The following ADCY5 variants were observed in gnomAD, a reference collection of about 807,000 sequenced individuals.
ADCY5 encodes the protein adenylate cyclase 5, also known as adenylate cyclase type 5.
Under a neutral mutation model 119.7 loss-of-function variants are expected in ADCY5, and 30 were observed. That is an observed-to-expected ratio of 0.25 (90% CI 0.19 to 0.34). The LOEUF is 0.34. Ranked by LOEUF, ADCY5 falls within the 10% of genes least tolerant of loss-of-function variation. The pLI is 1.00. For missense variants in ADCY5, 1,324 were observed against 1,775.2 expected (o/e 0.75, Z 4.57); for synonymous variants, 753 against 762.2 (o/e 0.99, Z 0.20).
In ADCY5 at chr3:123,296,104, C is replaced by T. The variant is rs1397131565; in HGVS notation, c.3043G>A (p.Asp1015Asn). 1.2e-6 allele frequency: 2 copies of T among 1,613,982 alleles called. No individual in the cohort carries two copies. Among genetic ancestry groups the T allele is most frequent in the Non-Finnish European group, 1.7e-6 (2 of 1,179,956 alleles). The change falls in exon 17 of 21, where the codon GAC becomes AAC. Residue 1015 changes from aspartate (D) to asparagine (N), a missense_variant. Asp to Asn is a conservative substitution (Grantham distance 23, BLOSUM62 1). This residue lies in a region of ADCY5 where 14 missense variants were observed against 24.4 expected (regional missense o/e 0.57). Coordinates refer to ENST00000462833, the MANE Select transcript of ADCY5 (RefSeq NM_183357.3). ...CCCACCTGCAGTTTCCAGAGGAAGT[C>T]GAGGCGGGCAGTGGACTCCACCTGC... ...AQQVESTARL[D>N]FLWKLQATEE... is the part of the protein sequence containing the mutation.
chr3:123,360,876 G>A (rs1048202315), intron 1 of ADCY5, among the ~76,000 whole-genome samples: 1 of 152,160 alleles, frequency 6.6e-6, no homozygotes, highest in Non-Finnish European at 1.5e-5. Context: ...TCAAATCCCT[G>A]TAAGATAAGC....
In ADCY5 at chr3:123,448,180, C is replaced by G; in HGVS notation, c.366G>C (p.Ala122=). The change falls in exon 1 of 21, where the codon GCG becomes GCC. Residue 122 remains alanine (A), a synonymous_variant. Coordinates refer to ENST00000462833, the MANE Select transcript of ADCY5 (RefSeq NM_183357.3). ...GRGSRRQRRG[A]ASGGSTRAPP... is the part of the protein sequence containing the mutation. The stretch of plus-strand genomic sequence containing the variant: ...GCGCCCGGGTGCTGCCCCCGCTGGC[C>G]GCGCCCCGCCGCTGCCGGCGGCTGC... The G allele has an allele frequency of 8.4e-7, 1 of 1,193,038 alleles. No homozygotes were observed. The highest frequency in any genetic ancestry group is 1.0e-6 in the Non-Finnish European group (1 of 964,436). 73.9% of individuals were successfully genotyped at this position (1,193,038 alleles called of 1,614,324 possible).
intron 3 of ADCY5, among the ~76,000 whole-genome samples, chr3:123,333,589 C>A (rs1345910840): frequency 1.2e-4 from 18 of 152,230 alleles, no homozygotes; most frequent in Admixed American, 1.2e-3. Flanking sequence ...CACCCTCCCC[C>A]AGCCCAGGAG....
At chr3:123,431,681 G>A (rs1945525866) in intron 1 of ADCY5, among the ~76,000 whole-genome samples, 1 of 152,196 alleles carries the variant, frequency 6.6e-6, no homozygotes, top group Non-Finnish European at 1.5e-5. Context: ...AATTGCTGGT[G>A]ATAAGAGCAA....
At chr3:123,376,656 G>A (rs934821057) in intron 1 of ADCY5, among the ~76,000 whole-genome samples, 13 of 152,032 alleles carry the variant, frequency 8.6e-5, no homozygotes, top group Non-Finnish European at 1.8e-4. Context: ...AACAATGAAC[G>A]CCTCAACCTT....
chr3:123,399,929 G>A (rs1277898504), intron 1 of ADCY5, among the ~76,000 whole-genome samples: 1 of 152,166 alleles, frequency 6.6e-6, no homozygotes, highest in East Asian at 1.9e-4. Flanking sequence ...AAGGCCAGGG[G>A]TTAAGGGCTG....
intron 1 of ADCY5, chr3:123,416,452 G>A (rs1180597074): frequency 4.1e-6 from 4 of 971,084 alleles, no homozygotes; most frequent in Non-Finnish European, 5.9e-6. Flanking sequence ...GACTAGAAAG[G>A]AGGGAGGAGG....
At chr3:123,319,103 T>C (rs1941077935) in intron 10 of ADCY5, among the ~76,000 whole-genome samples, 1 of 152,144 alleles carries the variant, frequency 6.6e-6, no homozygotes, top group Admixed American at 6.5e-5. Context: ...CCTGTAATCC[T>C]AGCATTTTGG....
chr3:123,321,029 T>G (rs1332445801), intron 8 of ADCY5, among the ~76,000 whole-genome samples: 1 of 152,150 alleles, frequency 6.6e-6, no homozygotes, highest in East Asian at 1.9e-4. Context: ...ACAATCCATG[T>G]GTCTAAGCTC....
chr3:123,298,427 C>T (rs1230577201), intron 15 of ADCY5, among the ~76,000 whole-genome samples: 2 of 152,164 alleles, frequency 1.3e-5, no homozygotes, highest in South Asian at 2.1e-4. Context: ...GGCAACATTC[C>T]CTGCTCCAGC....
intron 1 of ADCY5, among the ~76,000 whole-genome samples, chr3:123,383,443 G>A (rs1944102338): frequency 6.6e-6 from 1 of 152,222 alleles, no homozygotes; most frequent in South Asian, 2.1e-4. Context: ...CAACTGTCAA[G>A]GCTTAGCGGG....
chr3:123,296,659 T>C lies in ADCY5; in HGVS notation c.2931-443A>G, dbSNP rs149341701. On this transcript the variant is annotated intron_variant, in intron 16 of 20. Transcript: ENST00000462833. Reference sequence around the variant, plus strand: ...CAAGTGTCTTAATCTCTCTGAACTTTAGTTTGCTTATCTGTACAACAGGAT... The same window carrying C: ...CAAGTGTCTTAATCTCTCTGAACTTCAGTTTGCTTATCTGTACAACAGGAT... Among the ~76,000 whole-genome samples, 143 of 152,322 alleles carry C rather than the reference T, an allele frequency of 9.4e-4. 1 individual carries two copies. Among genetic ancestry groups the C allele is most frequent in the Admixed American group, 7.6e-3 (116 of 15,310 alleles).
Position 123,303,286 on chromosome 3 carries a change from C to T in ADCY5, c.2560-67G>A. ...TGGGGGACAGGTAGAGCAGCCCAGCCCACCAGGCCGCAGGCTCCCGCCTGT... is the reference window on the plus strand; with the variant it reads ...TGGGGGACAGGTAGAGCAGCCCAGCTCACCAGGCCGCAGGCTCCCGCCTGT... On this transcript the variant is annotated intron_variant, in intron 13 of 20. Coordinates refer to ENST00000462833, the MANE Select transcript of ADCY5 (RefSeq NM_183357.3). 6 of 1,524,652 alleles carry T rather than the reference C, an allele frequency of 3.9e-6. No individual in the cohort carries two copies. In the South Asian group the frequency reaches 6.0e-5, roughly 15 times the overall value. 94.4% of individuals were successfully genotyped at this position (1,524,652 alleles called of 1,614,324 possible).
chr3:123,393,661 T>C (rs1239646980), intron 1 of ADCY5, among the ~76,000 whole-genome samples: 6 of 152,146 alleles, frequency 3.9e-5, no homozygotes, highest in African/African-American at 1.4e-4. Flanking sequence ...AAAGTGCCCA[T>C]ATGGCCCGGC....
chr3:123,388,563 A>T (rs1464576164), intron 1 of ADCY5, among the ~76,000 whole-genome samples: 3 of 123,328 alleles, frequency 2.4e-5, no homozygotes, highest in Non-Finnish European at 6.1e-5. Flanking sequence ...AGAGGGACAG[A>T]TATGGGGAGG....
At chr3:123,363,205 A>G (rs1479336901) in intron 1 of ADCY5, among the ~76,000 whole-genome samples, 1 of 152,074 alleles carries the variant, frequency 6.6e-6, no homozygotes, top group Admixed American at 6.5e-5. Flanking sequence ...GTGGATGAAT[A>G]AGCTATTCAA....
At chr3:123,440,330 A>G (rs1420422768) in intron 1 of ADCY5, among the ~76,000 whole-genome samples, 2 of 152,242 alleles carry the variant, frequency 1.3e-5, no homozygotes, top group East Asian at 1.9e-4. Context: ...GCCCAGATGC[A>G]GCAGCTCATA....
At position 123,401,363 on chromosome 3, in the gene ADCY5, C is replaced by A. The variant is rs1356725198; in HGVS notation, c.1134+46049G>T. On this transcript the variant is annotated intron_variant, in intron 1 of 20. Coordinates refer to ENST00000462833, the MANE Select transcript of ADCY5 (RefSeq NM_183357.3). ...GCTGGGGAACCAGGGACCAGCAGAG[C>A]CCCATCCAGATGGGGAATGGCCATT... Among the ~76,000 whole-genome samples the A allele has an allele frequency of 1.3e-5, 2 of 152,146 alleles. 1 individual carries two copies. Among genetic ancestry groups the A allele is most frequent in the African/African-American group, 4.8e-5 (2 of 41,436 alleles).
chr3:123,372,019 C>T (rs1384044151), intron 1 of ADCY5, among the ~76,000 whole-genome samples: 1 of 152,196 alleles, frequency 6.6e-6, no homozygotes, highest in African/African-American at 2.4e-5. Flanking sequence ...GGCCATTATG[C>T]AGAACCTTTG....
Sources: gnomAD v4.1 joint callset for allele counts (sites outside exome capture counted in the v4.1 genomes callset) on GRCh38, gnomAD v4.1.1 for gene constraint, gnomAD v4.1.1 regional missense constraint, MANE v1.5 for transcripts, NCBI Gene and HGNC (gene_info 2026-07-23, HGNC 2026-07-21) for gene names.